Variants in ADARB2 observed in about 807,000 individuals in gnomAD.
The protein encoded by ADARB2 is inactive double-stranded RNA-specific editase B2.
Under a neutral mutation model 62.2 loss-of-function variants are expected in ADARB2, and 25 were observed. The observed-to-expected ratio is 0.40, with a 90% CI of 0.29 to 0.56. The LOEUF (loss-of-function observed/expected upper bound fraction) is 0.56. ADARB2 is among the 20% of genes least tolerant of loss of function. The pLI is 0.43. For missense variants in ADARB2, 1,071 were observed against 1,077.4 expected (o/e 0.99, Z 0.08); for synonymous variants, 572 against 500.8 (o/e 1.14, Z -1.90).
At chr10:1,495,297 T>C (rs963489667) in intron 1 of ADARB2, among the ~76,000 whole-genome samples, 172 of 152,360 alleles carry the variant, frequency 1.1e-3, no homozygotes, top group African/African-American at 3.9e-3. Context: ...ACATTCAAGT[T>C]GTATATCAAA....
chr10:1,216,817 G>T (rs1261331055), intron 7 of ADARB2, 134 bp downstream of exon 7: 1 of 1,182,742 alleles, frequency 8.5e-7, no homozygotes, highest in Non-Finnish European at 1.2e-6. Flanking sequence ...GGAGTTCCAC[G>T]GCTCAGGCAC....
intron 1 of ADARB2, among the ~76,000 whole-genome samples, chr10:1,616,959 T>C (rs1199259851): frequency 6.6e-6 from 1 of 151,674 alleles, no homozygotes; most frequent in Non-Finnish European, 1.5e-5. Context: ...GTGCTCTGCA[T>C]CCTGGGAACT....
chr10:1,567,427 C>A (rs1166295099), intron 1 of ADARB2, among the ~76,000 whole-genome samples: 1 of 152,182 alleles, frequency 6.6e-6, no homozygotes, highest in Non-Finnish European at 1.5e-5. Flanking sequence ...CTGCACCTTG[C>A]CCAAGGTTCA....
intron 3 of ADARB2, among the ~76,000 whole-genome samples, chr10:1,354,008 C>G (rs2131845616): frequency 6.6e-6 from 1 of 152,262 alleles, no homozygotes; most frequent in Middle Eastern, 3.4e-3. Context: ...AATAATTCTA[C>G]AGGACTATTC....
intron 1 of ADARB2, among the ~76,000 whole-genome samples, chr10:1,468,983 G>A (rs2131915230): frequency 6.6e-6 from 1 of 152,312 alleles, no homozygotes; most frequent in Non-Finnish European, 1.5e-5. Context: ...GGCCCCGCTG[G>A]GCTGATGGGG....
intron 6 of ADARB2, among the ~76,000 whole-genome samples, chr10:1,218,091 C>A (rs1394848932): frequency 1.3e-5 from 2 of 152,200 alleles, no homozygotes; most frequent in African/African-American, 4.8e-5. Context: ...CGCTCTCTTA[C>A]CCAGGCTGGA....
At chr10:1,222,020 T>G (rs1041049928) in intron 6 of ADARB2, among the ~76,000 whole-genome samples, 10 of 152,338 alleles carry the variant, frequency 6.6e-5, no homozygotes, top group Admixed American at 2.0e-4. Context: ...TGAACTAGTT[T>G]ACAGTCCCAC....
At chr10:1,552,443 G>A (rs1255291864) in intron 1 of ADARB2, among the ~76,000 whole-genome samples, 1 of 152,230 alleles carries the variant, frequency 6.6e-6, no homozygotes, top group Non-Finnish European at 1.5e-5. Context: ...CCAGGGGGCC[G>A]GAGGGAGCAG....
intron 1 of ADARB2, among the ~76,000 whole-genome samples, chr10:1,695,036 T>C (rs1385267225): frequency 6.6e-6 from 1 of 152,160 alleles, no homozygotes; most frequent in African/African-American, 2.4e-5. Context: ...GTGTGGGTCA[T>C]GGGCCCCCCG....
intron 4 of ADARB2, among the ~76,000 whole-genome samples, chr10:1,253,495 C>T (rs1252887393): frequency 6.6e-6 from 1 of 152,226 alleles, no homozygotes; most frequent in Non-Finnish European, 1.5e-5. Flanking sequence ...GTATCAAGGG[C>T]ATATTTTAAT....
chr10:1,229,498 T>C (rs1830777968), intron 6 of ADARB2, among the ~76,000 whole-genome samples: 1 of 152,216 alleles, frequency 6.6e-6, no homozygotes, highest in East Asian at 1.9e-4. Context: ...ATCATGATTA[T>C]TTAAACCTAT....
intron 1 of ADARB2, among the ~76,000 whole-genome samples, chr10:1,458,249 G>A (rs1189707414): frequency 6.6e-6 from 1 of 152,088 alleles, no homozygotes; most frequent in Non-Finnish European, 1.5e-5. Flanking sequence ...AATTTCTTGC[G>A]AATACTTCCC....
chr10:1,339,853 G>A (rs1018925445), intron 3 of ADARB2, among the ~76,000 whole-genome samples: 1 of 152,152 alleles, frequency 6.6e-6, no homozygotes, highest in South Asian at 2.1e-4. Context: ...AGAAGGTTTG[G>A]AATAACTGCT....
intron 1 of ADARB2, among the ~76,000 whole-genome samples, chr10:1,733,865 C>T (rs146851470): frequency 6.6e-6 from 1 of 152,144 alleles, no homozygotes; most frequent in African/African-American, 2.4e-5. Context: ...GTCTCCATAA[C>T]CTCCAAGTGC....
At chr10:1,303,149 G>A (rs4581371) in intron 3 of ADARB2, among the ~76,000 whole-genome samples, 69,851 of 150,612 alleles carry the variant, frequency 0.46, 17,751 homozygotes, top group East Asian at 0.8. Context: ...AGAAGAATTT[G>A]TAACTAGAAT....
chr10:1,637,008 C>CT (rs888902775), intron 1 of ADARB2, among the ~76,000 whole-genome samples: 16 of 151,468 alleles, frequency 1.1e-4, no homozygotes, highest in East Asian at 1.9e-4. Context: ...AACAGTCTTT[C>CT]TTTTTTTTCT....
At position 1,704,418 on chromosome 10, in the gene ADARB2, G is replaced by A. The variant is rs2119144410; in HGVS notation, c.100+32633C>T. Among the ~76,000 whole-genome samples, 1 of 152,304 alleles carries A rather than the reference G, an allele frequency of 6.6e-6. No individual in the cohort carries two copies. The highest frequency in any genetic ancestry group is 2.1e-4 in the South Asian group (1 of 4,818). On this transcript the variant is annotated intron_variant, in intron 1 of 9. Coordinates refer to ENST00000381312, the MANE Select transcript of ADARB2 (RefSeq NM_018702.4). The surrounding 1 kb of genome is among the most constrained non-coding windows in gnomAD (Gnocchi z 5.6). Reference sequence around the variant, plus strand: ...GGCATTAGATTTTCATAAGGAGTCTGCAACCTGGATCCCTTACAAGCACAG... The same window carrying A: ...GGCATTAGATTTTCATAAGGAGTCTACAACCTGGATCCCTTACAAGCACAG...
intron 3 of ADARB2, among the ~76,000 whole-genome samples, chr10:1,341,111 AATC>A (rs1397612849): frequency 1.3e-5 from 2 of 150,650 alleles, no homozygotes; most frequent in Non-Finnish European, 3.0e-5. Flanking sequence ...CAGTGGTGAT[AATC>A]ATCATCAGGC....
At chr10:1,402,102 G>A (rs1454341788) in intron 1 of ADARB2, among the ~76,000 whole-genome samples, 1 of 152,134 alleles carries the variant, frequency 6.6e-6, no homozygotes, top group East Asian at 1.9e-4. Flanking sequence ...CATCTGGGGT[G>A]TCATGAGGCC....
Sources: gnomAD v4.1 joint callset for allele counts (sites outside exome capture counted in the v4.1 genomes callset) on GRCh38, gnomAD v4.1.1 for gene constraint, Gnocchi (gnomAD v3.1) non-coding constraint, MANE v1.5 for transcripts, NCBI Gene and HGNC (gene_info 2026-07-23, HGNC 2026-07-21) for gene names.